Variants in WDPCP observed in about 807,000 individuals in gnomAD.
WDPCP encodes the protein WD repeat containing planar cell polarity effector, also known as WD repeat-containing and planar cell polarity effector protein fritz homolog.
Under a neutral mutation model 93.1 loss-of-function variants are expected in WDPCP, and 71 were observed. The observed-to-expected ratio is 0.76, with a 90% CI of 0.63 to 0.93. The LOEUF is 0.93. WDPCP is among the 40% of genes least tolerant of loss of function. The pLI, the probability that WDPCP is intolerant of heterozygous loss-of-function variation, is 0.00. For missense variants in WDPCP, 844 were observed against 887.4 expected, an observed-to-expected ratio of 0.95 and a Z score of 0.62; for synonymous variants, 315 against 315.0, an observed-to-expected ratio of 1.00 and a Z score of 0.00.
chr2:63,691,518 C>A (rs1668887876), intron 2 of WDPCP, among the ~76,000 whole-genome samples: 1 of 152,084 alleles, frequency 6.6e-6, no homozygotes, highest in South Asian at 2.1e-4. Flanking sequence ...ACCTGTAATC[C>A]TAGCTACTGG....
At chr2:63,708,716 G>A (rs867441405) in intron 2 of WDPCP, among the ~76,000 whole-genome samples, 3 of 152,094 alleles carry the variant, frequency 2.0e-5, no homozygotes, top group African/African-American at 4.8e-5. Context: ...CCCAGCTCAC[G>A]CTGGGAGCTC....
intron 2 of WDPCP, among the ~76,000 whole-genome samples, chr2:63,771,003 T>A (rs572123195): frequency 1.8e-4 from 27 of 151,876 alleles, no homozygotes; most frequent in African/African-American, 6.5e-4. Context: ...ATAATAGTTA[T>A]AAGTAAATTT....
chr2:63,350,146 T>C (rs956793110), intron 12 of WDPCP, among the ~76,000 whole-genome samples: 3 of 152,168 alleles, frequency 2.0e-5, no homozygotes, highest in Admixed American at 1.3e-4. Flanking sequence ...TGCAGGGACA[T>C]GGATGAAGCT....
chr2:63,174,679 G>A lies in WDPCP; in HGVS notation c.2069C>T (p.Ser690Phe), dbSNP rs1673665802. The A allele has an allele frequency of 6.2e-7, 1 of 1,613,884 alleles. No individual in the cohort carries two copies. Among genetic ancestry groups the A allele is most frequent in the Non-Finnish European group, 8.5e-7 (1 of 1,179,874 alleles). The change falls in exon 15 of 18, where the codon TCT becomes TTT. Residue 690 changes from serine to phenylalanine, a missense_variant. Physicochemically the swap from Ser to Phe is radical, Grantham distance 155. Coordinates refer to ENST00000272321, the MANE Select transcript of WDPCP (RefSeq NM_015910.7). ...GTTCAACATTTCTTACCTGTTAGAA[G>A]AGCCATTCAGTATTCTTTGTTGTAA... ...HILQQRILNG[S>F]SNRQIIDRRN... is the part of the protein sequence containing the mutation.
At chr2:63,538,802 A>G (rs1704501560) in intron 1 of WDPCP, among the ~76,000 whole-genome samples, 1 of 152,210 alleles carries the variant, frequency 6.6e-6, no homozygotes, top group African/African-American at 2.4e-5. Context: ...AAGTAGCAGA[A>G]AAGATAAAAC....
At chr2:63,254,472 T>A (rs1043682495) in intron 14 of WDPCP, among the ~76,000 whole-genome samples, 3 of 152,164 alleles carry the variant, frequency 2.0e-5, no homozygotes, top group Non-Finnish European at 4.4e-5. Context: ...AATAAGGTAA[T>A]GTTTGTCACA....
intron 14 of WDPCP, among the ~76,000 whole-genome samples, chr2:63,194,316 A>G (rs1255432113): frequency 1.3e-5 from 2 of 152,152 alleles, no homozygotes; most frequent in Admixed American, 6.6e-5. Context: ...AAGAAAGAAA[A>G]AAAAATAGTG....
intron 2 of WDPCP, among the ~76,000 whole-genome samples, chr2:63,744,060 G>A (rs1422233228): frequency 6.6e-6 from 1 of 152,086 alleles, no homozygotes; most frequent in African/African-American, 2.4e-5. Context: ...GGTGTGGAGG[G>A]ATAGTAGACA....
intron 1 of WDPCP, among the ~76,000 whole-genome samples, chr2:63,508,388 G>A (rs1294546306): frequency 6.6e-6 from 1 of 152,176 alleles, no homozygotes; most frequent in Non-Finnish European, 1.5e-5. Flanking sequence ...CAAATGCTGA[G>A]GGATTGTGTC....
At chr2:63,760,019 T>G (rs1267309747) in intron 2 of WDPCP, among the ~76,000 whole-genome samples, 1 of 152,184 alleles carries the variant, frequency 6.6e-6, no homozygotes, top group East Asian at 1.9e-4. Context: ...GTCTCTGGGC[T>G]TCAGGGAATA....
intron 2 of WDPCP, among the ~76,000 whole-genome samples, chr2:63,747,862 A>G (rs1039472499): frequency 2.0e-5 from 3 of 152,086 alleles, no homozygotes; most frequent in Admixed American, 6.6e-5. Flanking sequence ...AGATCAAATT[A>G]GGGACAACAG....
intron 13 of WDPCP, among the ~76,000 whole-genome samples, chr2:63,311,931 G>T (rs1406487986): frequency 6.6e-6 from 1 of 152,022 alleles, no homozygotes; most frequent in Non-Finnish European, 1.5e-5. Context: ...AAAAAATAAA[G>T]AAATGTGGGG....
At chr2:63,526,604 C>T (rs1703356982) in intron 1 of WDPCP, among the ~76,000 whole-genome samples, 1 of 152,188 alleles carries the variant, frequency 6.6e-6, no homozygotes, top group Non-Finnish European at 1.5e-5. Context: ...TTCTATTCCT[C>T]AAAAAATATC....
intron 1 of WDPCP, among the ~76,000 whole-genome samples, chr2:63,815,955 C>G (rs1460972288): frequency 6.6e-6 from 1 of 151,682 alleles, no homozygotes; most frequent in Non-Finnish European, 1.5e-5. Context: ...AAGGCACTGC[C>G]TCATGGAACT....
At chr2:63,290,782 G>A (rs571478206) in intron 13 of WDPCP, among the ~76,000 whole-genome samples, 4 of 152,152 alleles carry the variant, frequency 2.6e-5, no homozygotes, top group Non-Finnish European at 2.9e-5. Context: ...GTCATAATTC[G>A]TATTAGCTGT....
intron 1 of WDPCP, among the ~76,000 whole-genome samples, chr2:63,579,613 C>CAAAAAG (rs980950785): frequency 4.0e-5 from 6 of 151,516 alleles, no homozygotes; most frequent in African/African-American, 9.7e-5. Flanking sequence ...CCATCTCAAA[C>CAAAAAG]AAAAAGAAAA....
chr2:63,384,245 T>A (rs1489159284), intron 10 of WDPCP, among the ~76,000 whole-genome samples: 1 of 152,046 alleles, frequency 6.6e-6, no homozygotes, highest in Non-Finnish European at 1.5e-5. Context: ...AGAAGATCAG[T>A]AAAATTGACA....
At chr2:63,431,396 C>T (rs1010181896) in intron 9 of WDPCP, among the ~76,000 whole-genome samples, 2 of 152,084 alleles carry the variant, frequency 1.3e-5, no homozygotes, top group Non-Finnish European at 2.9e-5. Flanking sequence ...CTGATAGAAC[C>T]TAGATGGTAA....
At chr2:63,838,834 C>G in the WDPCP span, among the ~76,000 whole-genome samples, 1 of 152,194 alleles carries the variant, frequency 6.6e-6, no homozygotes, top group Non-Finnish European at 1.5e-5. Context: ...TCTTTCCTAT[C>G]TCCACAGGAT....
Sources: allele counts gnomAD v4.1 joint callset (sites outside exome capture counted in the v4.1 genomes callset), GRCh38; gene constraint gnomAD v4.1.1; transcripts MANE v1.5; gene names NCBI Gene and HGNC (gene_info 2026-07-23, HGNC 2026-07-21).